CTNND2: variants seen among roughly 807,000 people sequenced by gnomAD.
CTNND2 encodes the protein catenin delta 2, also known as catenin delta-2.
Under a neutral mutation model 144.4 loss-of-function variants are expected in CTNND2, and 22 were observed. The ratio of observed to expected loss-of-function variants is 0.15; its 90% CI spans 0.11 to 0.22. The LOEUF (loss-of-function observed/expected upper bound fraction) is 0.22, where lower values mean the gene tolerates loss of function less well. Among genes scored for constraint, CTNND2 ranks in the 10% least tolerant of loss-of-function variants. The probability of loss-of-function intolerance (pLI) is 1.00; values close to 1 mark genes in which losing one functional copy is unlikely to be tolerated. For synonymous variants in CTNND2, 751 were observed against 695.6 expected (o/e 1.08, Z -1.25); for missense variants, 1,353 against 1,618.8 (o/e 0.84, Z 2.82).
intron 2 of CTNND2, among the ~76,000 whole-genome samples, chr5:11,653,207 G>A (rs911904700): frequency 1.9e-4 from 29 of 151,934 alleles, no homozygotes; most frequent in African/African-American, 6.8e-4. Flanking sequence ...AGGAATATGG[G>A]AATGCAGATA....
intron 1 of CTNND2, among the ~76,000 whole-genome samples, chr5:11,747,864 T>C (rs1788398091): frequency 6.6e-6 from 1 of 152,118 alleles, no homozygotes; most frequent in Non-Finnish European, 1.5e-5. Flanking sequence ...TTCACAGTAC[T>C]TGAAAGTGTC....
intron 15 of CTNND2, among the ~76,000 whole-genome samples, chr5:11,096,830 C>A (rs1345354688): frequency 6.7e-6 from 1 of 149,466 alleles, no homozygotes; most frequent in Non-Finnish European, 1.5e-5. Context: ...AGAGAAACAA[C>A]ATCTTAAGAT....
intron 9 of CTNND2, among the ~76,000 whole-genome samples, chr5:11,252,412 T>C (rs548927090): frequency 6.6e-6 from 1 of 152,338 alleles, no homozygotes; most frequent in African/African-American, 2.4e-5. Context: ...TATAGACAAC[T>C]ACAGATTCAA....
chr5:11,492,862 G>A (rs1769570366), intron 3 of CTNND2, among the ~76,000 whole-genome samples: 1 of 152,042 alleles, frequency 6.6e-6, no homozygotes, highest in South Asian at 2.1e-4. Flanking sequence ...CTTGAGGCTA[G>A]GAGAGTAAGA....
intron 18 of CTNND2, among the ~76,000 whole-genome samples, chr5:11,009,715 T>A (rs896950592): frequency 6.6e-6 from 1 of 152,222 alleles, no homozygotes; most frequent in Non-Finnish European, 1.5e-5. Flanking sequence ...AAGTGTTTAG[T>A]TTGGGTACTG....
chr5:11,665,763 G>C (rs1253245076), intron 2 of CTNND2, among the ~76,000 whole-genome samples: 13 of 152,182 alleles, frequency 8.5e-5, no homozygotes, highest in Admixed American at 2.6e-4. Context: ...ACAGGAAAGA[G>C]AGGCAGTGAA....
At chr5:10,991,677 CA>C (rs1738695847) in intron 19 of CTNND2, among the ~76,000 whole-genome samples, 1 of 151,800 alleles carries the variant, frequency 6.6e-6, no homozygotes, top group Non-Finnish European at 1.5e-5. Context: ...AGGAATGTGA[CA>C]AAATTAGAAA....
At chr5:11,122,867 G>A (rs765323375) in intron 12 of CTNND2, among the ~76,000 whole-genome samples, 21 of 152,024 alleles carry the variant, frequency 1.4e-4, no homozygotes, top group African/African-American at 1.9e-4. Context: ...AAGGCAGGCC[G>A]GGGAGGCAGA....
intron 15 of CTNND2, among the ~76,000 whole-genome samples, chr5:11,095,282 C>A (rs1454287703): frequency 3.9e-5 from 6 of 152,150 alleles, no homozygotes; most frequent in African/African-American, 1.4e-4. Flanking sequence ...AGCTCTGCAA[C>A]CTGCAAAACA....
At chr5:11,103,727 A>G (rs1752143315) in intron 14 of CTNND2, among the ~76,000 whole-genome samples, 1 of 102,700 alleles carries the variant, frequency 9.7e-6, no homozygotes, top group South Asian at 3.7e-4. Flanking sequence ...TACTATATTA[A>G]AAAAAAAAAA....
At chr5:11,300,256 A>G (rs926241573) in intron 9 of CTNND2, among the ~76,000 whole-genome samples, 3 of 152,122 alleles carry the variant, frequency 2.0e-5, no homozygotes, top group African/African-American at 7.2e-5. Context: ...GGAGAAGGGA[A>G]TGAGGATAAG....
At chr5:11,128,250 G>A (rs1196052951) in intron 12 of CTNND2, among the ~76,000 whole-genome samples, 1 of 151,936 alleles carries the variant, frequency 6.6e-6, no homozygotes, top group Non-Finnish European at 1.5e-5. Flanking sequence ...AGGGGAGGGA[G>A]AGGCCATTAG....
intron 1 of CTNND2, among the ~76,000 whole-genome samples, chr5:11,883,954 GT>G (rs1736323935): frequency 6.6e-6 from 1 of 152,150 alleles, no homozygotes; most frequent in Non-Finnish European, 1.5e-5. Context: ...TTTTTCATAT[GT>G]TTGTTGGCCA....
At chr5:11,547,737 G>A (rs1775369334) in intron 3 of CTNND2, among the ~76,000 whole-genome samples, 3 of 152,170 alleles carry the variant, frequency 2.0e-5, no homozygotes, top group Admixed American at 2.0e-4. Flanking sequence ...AAAATAATTA[G>A]GAAAATGTTA....
intron 9 of CTNND2, among the ~76,000 whole-genome samples, chr5:11,302,613 T>C (rs1022394769): frequency 6.6e-6 from 1 of 152,062 alleles, no homozygotes; most frequent in Non-Finnish European, 1.5e-5. Context: ...AAAGATGCCT[T>C]CCCCAGGTCT....
At chr5:11,181,714 GTGTGTGTGTGTGTTATGTGTGGCA>G (rs1734986675) in intron 11 of CTNND2, among the ~76,000 whole-genome samples, 1 of 148,804 alleles carries the variant, frequency 6.7e-6, no homozygotes, top group Non-Finnish European at 1.5e-5. Flanking sequence ...TATGCGTGTG[GTGTGTGTGTGTGTTATGTGTGGCA>G]TGTGTGTGTG....
intron 8 of CTNND2, among the ~76,000 whole-genome samples, chr5:11,354,628 C>G (rs970383643): frequency 6.6e-6 from 1 of 152,048 alleles, no homozygotes; most frequent in African/African-American, 2.4e-5. Flanking sequence ...ATTATTAGAC[C>G]TAAAGGAAGA....
rs1424383125 is a variant in CTNND2, at chr5:11,623,789, AATATATATATGTGTGTATGT to A, written c.175-58753_175-58734del. Among the ~76,000 whole-genome samples the A allele has an allele frequency of 7.4e-4, 88 of 118,616 alleles. 1 individual carries two copies. The highest frequency in any genetic ancestry group is 4.2e-3 in the Middle Eastern group (1 of 238). 77.8% of individuals were successfully genotyped at this position (118,616 alleles called of 152,430 possible). A position where few individuals can be genotyped will look rare whatever the true frequency, so the allele number is the denominator to read the frequency against. On this transcript the variant is annotated intron_variant, in intron 2 of 21. Transcript: ENST00000304623. ...TCAAGAAGAAGACCTAACTATCGTA[AATATATATATGTGTGTATGT>A]ATATATATATATATATATATATATA...
rs1475149172 is a variant in CTNND2, at chr5:11,509,835, A to G, written c.287+55109T>C. ...TTTTCGGATTTCACACCTTTTCTAC[A>G]GAGAGTTTCCCCTCCCCACAAAGGC... On this transcript the variant is annotated intron_variant, in intron 3 of 21. Coordinates refer to ENST00000304623, the MANE Select transcript of CTNND2 (RefSeq NM_001332.4). Among the ~76,000 whole-genome samples the G allele has an allele frequency of 2.6e-5, 4 of 152,224 alleles. No homozygotes were observed. The East Asian group carries it at 5.8e-4, about 22-fold the overall frequency.
Sources: allele counts gnomAD v4.1 joint callset (sites outside exome capture counted in the v4.1 genomes callset), GRCh38; gene constraint gnomAD v4.1.1; transcripts MANE v1.5; gene names NCBI Gene and HGNC (gene_info 2026-07-23, HGNC 2026-07-21).